EXOC4: variants seen among roughly 807,000 people sequenced by gnomAD.
EXOC4 encodes the protein exocyst complex component 4.
Under a neutral mutation model 107.2 loss-of-function variants are expected in EXOC4, and 71 were observed. That is an observed-to-expected ratio of 0.66 (90% confidence interval 0.55 to 0.81). EXOC4 has a LOEUF of 0.81. EXOC4 is among the 30% of genes least tolerant of loss of function. The probability of loss-of-function intolerance (pLI) is 0.00; values close to 1 mark genes in which losing one functional copy is unlikely to be tolerated. For synonymous variants in EXOC4, 456 were observed against 441.2 expected (o/e 1.03, Z -0.42); for missense variants, 1,108 against 1,189.6 (o/e 0.93, Z 1.01).
chr7:133,977,446 A>G (rs1793864765), intron 14 of EXOC4, among the ~76,000 whole-genome samples: 1 of 152,202 alleles, frequency 6.6e-6, no homozygotes, highest in African/African-American at 2.4e-5. Flanking sequence ...GGAGAAAGCA[A>G]ATCACTTGCT....
intron 10 of EXOC4, among the ~76,000 whole-genome samples, chr7:133,740,370 A>G (rs559362195): frequency 6.6e-6 from 1 of 152,312 alleles, no homozygotes; most frequent in African/African-American, 2.4e-5. Flanking sequence ...GTACATTAAT[A>G]CTAAGACCTG....
At chr7:133,826,885 T>A (rs1483290594) in intron 11 of EXOC4, among the ~76,000 whole-genome samples, 2 of 152,148 alleles carry the variant, frequency 1.3e-5, no homozygotes, top group Non-Finnish European at 2.9e-5. Context: ...ACCACCCGGA[T>A]TCTAACATTA....
intron 11 of EXOC4, among the ~76,000 whole-genome samples, chr7:133,859,596 A>G (rs1585205039): frequency 2.0e-5 from 3 of 152,286 alleles, no homozygotes; most frequent in Admixed American, 6.5e-5. Flanking sequence ...GGAGGAAATC[A>G]TATTGAAGAC....
At chr7:133,315,646 T>C (rs987326687) in intron 4 of EXOC4, among the ~76,000 whole-genome samples, 2 of 152,186 alleles carry the variant, frequency 1.3e-5, no homozygotes, top group South Asian at 2.1e-4. Flanking sequence ...TGAAAAGTTA[T>C]TGGATTTGAG....
intron 9 of EXOC4, among the ~76,000 whole-genome samples, chr7:133,522,521 A>G (rs949852568): frequency 6.6e-6 from 1 of 152,140 alleles, no homozygotes; most frequent in African/African-American, 2.4e-5. Context: ...ATTATCATAT[A>G]TAGCGCATTG....
At chr7:134,040,033 A>G (rs1795478466) in intron 17 of EXOC4, among the ~76,000 whole-genome samples, 1 of 152,196 alleles carries the variant, frequency 6.6e-6, no homozygotes, top group Non-Finnish European at 1.5e-5. Context: ...TGGCTCACCC[A>G]TCTGTCCTGT....
intron 9 of EXOC4, among the ~76,000 whole-genome samples, chr7:133,623,683 T>C (rs1488169224): frequency 6.6e-6 from 1 of 152,192 alleles, no homozygotes; most frequent in Non-Finnish European, 1.5e-5. Context: ...CCTTGGGTAA[T>C]ACAGTACCAT....
chr7:133,667,870 C>T (rs769161794), intron 10 of EXOC4, among the ~76,000 whole-genome samples: 1 of 152,122 alleles, frequency 6.6e-6, no homozygotes, highest in Non-Finnish European at 1.5e-5. Context: ...CATAAATAGC[C>T]TTTACAATCA....
rs372224384 is a variant in EXOC4 at position 133,908,151 on chromosome 7, G to A, written c.1872-9432G>A. Among the ~76,000 whole-genome samples, 8 of 152,294 alleles carry A rather than the reference G, an allele frequency of 5.3e-5. No individual in the cohort carries two copies. In the East Asian group the frequency reaches 1.5e-3, roughly 29 times the overall value. On this transcript the variant is annotated intron_variant, in intron 12 of 17. Transcript: ENST00000253861. ...CAACTCACTCTACCATAATCAGATA[G>A]GAGTCTGTTGCAGTGACCTTGACAC...
At position 133,356,540 on chromosome 7, in the gene EXOC4, G is replaced by T. The variant is rs369312406; in HGVS notation, c.974G>T (p.Arg325Leu). The T allele has an allele frequency of 5.6e-6, 9 of 1,613,868 alleles. No homozygotes were observed. The highest frequency in any genetic ancestry group is 1.1e-5 in the South Asian group (1 of 91,086). Residue 325 changes from arginine (R) to leucine (L), a missense_variant, in exon 6 of 18, where the codon CGG becomes CTG. Transcript: ENST00000253861. ...TTQVADSGYQRGENVTVENQP... is the reference protein window; with the variant it reads ...TTQVADSGYQLGENVTVENQP... ...CAGGTGGCAGACAGTGGCTATCAGC[G>T]GGGGGAGAACGTTACTGTGGAGAAC...
chr7:133,461,498 A>G (rs1183984506), intron 7 of EXOC4, among the ~76,000 whole-genome samples: 1 of 152,236 alleles, frequency 6.6e-6, no homozygotes, highest in Non-Finnish European at 1.5e-5. Context: ...ACAGATAAAC[A>G]ATATAAAATC....
Position 134,064,457 on chromosome 7 carries a change from C to T in EXOC4, c.2854C>T (p.Leu952Phe), listed in dbSNP as rs1463066117. ...LTTQNTRLQR[L>F]KEIICEQAAI... ...CACCCAGAACACGAGGCTGCAGAGG[C>T]TCAAAGAGATCATCTGCGAGCAGGC... Residue 952 changes from leucine (L) to phenylalanine (F), a missense_variant, in exon 18 of 18, where the codon CTC becomes TTC. Coordinates refer to ENST00000253861, the MANE Select transcript of EXOC4 (RefSeq NM_021807.4). 9 of 1,608,150 alleles carry T rather than the reference C, an allele frequency of 5.6e-6. No individual in the cohort carries two copies. Among genetic ancestry groups the T allele is most frequent in the Non-Finnish European group, 7.6e-6 (9 of 1,177,068 alleles).
chr7:133,749,955 GTTTTTTTTT>G (rs56902982), intron 10 of EXOC4, among the ~76,000 whole-genome samples: 3 of 62,106 alleles, frequency 4.8e-5, no homozygotes, highest in South Asian at 7.3e-4. Context: ...GTGGTTGGCA[GTTTTTTTTT>G]TTTTTTTTTT....
At chr7:133,737,070 T>G (rs1795459896) in intron 10 of EXOC4, among the ~76,000 whole-genome samples, 1 of 152,230 alleles carries the variant, frequency 6.6e-6, no homozygotes, top group African/African-American at 2.4e-5. Context: ...ATACACTGCT[T>G]CTTAATTTGC....
intron 17 of EXOC4, among the ~76,000 whole-genome samples, chr7:134,038,552 T>G (rs1795445349): frequency 1.3e-5 from 2 of 152,340 alleles, no homozygotes; most frequent in Admixed American, 1.3e-4. Flanking sequence ...AAATCACTTC[T>G]AACACACTAA....
chr7:133,500,602 T>C (rs1799558574), intron 9 of EXOC4, among the ~76,000 whole-genome samples: 1 of 152,178 alleles, frequency 6.6e-6, no homozygotes, highest in Non-Finnish European at 1.5e-5. Flanking sequence ...CCCTGAACAT[T>C]TGTGTGCAGG....
At chr7:133,306,681 AGC>A (rs1045791640) in intron 4 of EXOC4, among the ~76,000 whole-genome samples, 4 of 152,026 alleles carry the variant, frequency 2.6e-5, no homozygotes, top group African/African-American at 9.7e-5. Context: ...CCTGAGCAAC[AGC>A]GAGGAGACCT....
intron 14 of EXOC4, among the ~76,000 whole-genome samples, chr7:133,965,047 T>G (rs1008790173): frequency 1.3e-5 from 2 of 152,230 alleles, no homozygotes; most frequent in East Asian, 3.8e-4. Flanking sequence ...TGGTATCTCA[T>G]TGTGATTTTG....
intron 2 of EXOC4, among the ~76,000 whole-genome samples, chr7:133,276,445 C>G (rs1007267951): frequency 2.6e-5 from 4 of 152,128 alleles, no homozygotes; most frequent in Non-Finnish European, 5.9e-5. Context: ...TGATTATGTC[C>G]AATCATCTCA....
Sources: allele counts gnomAD v4.1 joint callset (sites outside exome capture counted in the v4.1 genomes callset), GRCh38; gene constraint gnomAD v4.1.1; transcripts MANE v1.5; gene names NCBI Gene and HGNC (gene_info 2026-07-23, HGNC 2026-07-21).